Variants in ROBO1 observed in about 807,000 individuals in gnomAD.
The protein encoded by ROBO1 is roundabout homolog 1.
Under a neutral mutation model 195.9 loss-of-function variants are expected in ROBO1, and 149 were observed. The ratio of observed to expected loss-of-function variants is 0.76; its 90% CI spans 0.67 to 0.87. The LOEUF (loss-of-function observed/expected upper bound fraction) is 0.87. Among genes scored for constraint, ROBO1 ranks in the 40% least tolerant of loss-of-function variants. ROBO1 has a pLI of 0.00. For missense variants in ROBO1, 1,933 were observed against 2,068.3 expected (o/e 0.93, Z 1.27); for synonymous variants, 816 against 733.2 (o/e 1.11, Z -1.82).
Position 79,155,511 on chromosome 3 carries a change from T to C in ROBO1, c.89-29972A>G, listed in dbSNP as rs554282677. 1.3e-5 allele frequency among the ~76,000 whole-genome samples: 2 copies of C among 151,760 alleles called. 1 individual carries two copies. The highest frequency in any genetic ancestry group is 4.1e-4 in the South Asian group (2 of 4,828). ...ATATTTTTTTCATATATGGCAAAAG[T>C]ATACTTTTCTGGGCTGATAGTTTGT... On this transcript the variant is annotated intron_variant, in intron 2 of 30. Transcript: ENST00000464233.
At chr3:79,488,412 C>T (rs1939273707) in intron 2 of ROBO1, among the ~76,000 whole-genome samples, 1 of 151,934 alleles carries the variant, frequency 6.6e-6, no homozygotes, top group African/African-American at 2.4e-5. Flanking sequence ...TAACTTTGGA[C>T]CAAATTGTGC....
rs555710163 is a variant in ROBO1 at position 79,460,380 on chromosome 3, G to A, written c.88+129444C>T. On this transcript the variant is annotated intron_variant, in intron 2 of 30. Transcript: ENST00000464233. Reference sequence around the variant, plus strand: ...CTAACACACTTTCTCCAAACCGGAAGAAAAGCTTTTCATAAGTTGAATATA... The same window carrying A: ...CTAACACACTTTCTCCAAACCGGAAAAAAAGCTTTTCATAAGTTGAATATA... Among the ~76,000 whole-genome samples the A allele has an allele frequency of 3.9e-3, 594 of 152,254 alleles. 2 individuals carry two copies. Among genetic ancestry groups the A allele is most frequent in the African/African-American group, 0.014 (569 of 41,568 alleles).
intron 3 of ROBO1, among the ~76,000 whole-genome samples, chr3:78,966,621 T>A (rs72910220): frequency 0.16 from 24,265 of 152,232 alleles, 3,054 homozygotes; most frequent in African/African-American, 0.35. Context: ...AGGAAATAGG[T>A]ATTTGTACTG....
intron 2 of ROBO1, among the ~76,000 whole-genome samples, chr3:79,515,181 C>A (rs1334649470): frequency 6.6e-6 from 1 of 152,102 alleles, no homozygotes; most frequent in Non-Finnish European, 1.5e-5. Context: ...GAAAAATAGC[C>A]CAAACCAGTG....
Position 79,349,322 on chromosome 3 carries a change from A to G in ROBO1, c.89-223783T>C, listed in dbSNP as rs375504328. ...AAGAAATTAAAGACACTTTTAATAA[A>G]TAGGAAAATAACCATATTCACTGAT... On this transcript the variant is annotated intron_variant, in intron 2 of 30. Transcript: ENST00000464233. Among the ~76,000 whole-genome samples the G allele has an allele frequency of 7.2e-5, 11 of 152,316 alleles. No individual in the cohort carries two copies. In the East Asian group the frequency reaches 1.9e-3, roughly 27 times the overall value.
intron 4 of ROBO1, among the ~76,000 whole-genome samples, chr3:78,755,438 C>T (rs1338032396): frequency 6.6e-6 from 1 of 152,104 alleles, no homozygotes; most frequent in Admixed American, 6.6e-5. Flanking sequence ...TGCACTACTG[C>T]ATTCCAGCCT....
chr3:78,788,436 T>TC (rs34462968), intron 4 of ROBO1, among the ~76,000 whole-genome samples: 41 of 139,712 alleles, frequency 2.9e-4, no homozygotes, highest in Non-Finnish European at 5.5e-4. Context: ...CTTTTTTTTT[T>TC]TTTTAAAAAA....
intron 28 of ROBO1, among the ~76,000 whole-genome samples, chr3:78,609,890 T>C (rs1408368003): frequency 2.0e-5 from 3 of 152,336 alleles, no homozygotes; most frequent in Admixed American, 6.5e-5. Flanking sequence ...TCCATAAATA[T>C]ACAATTTTTT....
At chr3:79,186,014 T>C (rs1385640796) in intron 2 of ROBO1, among the ~76,000 whole-genome samples, 1 of 152,072 alleles carries the variant, frequency 6.6e-6, no homozygotes, top group East Asian at 1.9e-4. Context: ...AGTGTTTAAG[T>C]TCCCCAAGCC....
chr3:79,332,687 G>A (rs543734588), intron 2 of ROBO1, among the ~76,000 whole-genome samples: 1 of 152,306 alleles, frequency 6.6e-6, no homozygotes, highest in East Asian at 1.9e-4. Flanking sequence ...TACACTGTCA[G>A]TGTTTTGGAA....
At chr3:79,698,663 TAAG>T (rs1039780169) in intron 1 of ROBO1, among the ~76,000 whole-genome samples, 8 of 151,604 alleles carry the variant, frequency 5.3e-5, no homozygotes, top group African/African-American at 1.9e-4. Context: ...AAACTACCAT[TAAG>T]AAGTTACTTA....
rs1180394255 is a variant in ROBO1, at chr3:78,960,782, ACAC to A, written c.173-21858_173-21856del. On this transcript the variant is annotated intron_variant, in intron 3 of 30. Coordinates refer to ENST00000464233, the MANE Select transcript of ROBO1 (RefSeq NM_002941.4). ...ACGAAGCGAGACTCCGTATTAAAACACACACACACACACACACACACACACACA... is the reference window on the plus strand; with the variant it reads ...ACGAAGCGAGACTCCGTATTAAAACAACACACACACACACACACACACACA... 1.1e-3 allele frequency among the ~76,000 whole-genome samples: 5 copies of A among 4,550 alleles called. No homozygotes were observed. The East Asian group carries it at 0.12, about 114-fold the overall frequency. The allele number at this position is 4,550 out of a possible 152,430, so 3.0% of individuals were successfully genotyped here. A position where few individuals can be genotyped will look rare whatever the true frequency, so the allele number is the denominator to read the frequency against.
intron 4 of ROBO1, among the ~76,000 whole-genome samples, chr3:78,934,144 T>C (rs2039674192): frequency 6.6e-6 from 1 of 151,866 alleles, no homozygotes; most frequent in Non-Finnish European, 1.5e-5. Flanking sequence ...TGTCTAACCA[T>C]AATGGAAGTA....
At chr3:78,635,569 ATAT>A (rs1330025586) in intron 23 of ROBO1, among the ~76,000 whole-genome samples, 2 of 152,158 alleles carry the variant, frequency 1.3e-5, no homozygotes, top group African/African-American at 2.4e-5. Context: ...AAATACTTAT[ATAT>A]TATTATAAAA....
At chr3:78,891,541 T>C (rs1426551550) in intron 4 of ROBO1, among the ~76,000 whole-genome samples, 1 of 152,174 alleles carries the variant, frequency 6.6e-6, no homozygotes, top group Non-Finnish European at 1.5e-5. Context: ...TGGCTGGTCT[T>C]TTATAAAGCT....
chr3:79,606,421 T>C (rs1405578959), intron 1 of ROBO1, among the ~76,000 whole-genome samples: 4 of 151,966 alleles, frequency 2.6e-5, no homozygotes, highest in African/African-American at 9.7e-5. Flanking sequence ...TCCAGCCAAA[T>C]TGTCTTTGCT....
chr3:79,562,618 T>C (rs1053987663), intron 2 of ROBO1, among the ~76,000 whole-genome samples: 2 of 152,056 alleles, frequency 1.3e-5, no homozygotes, highest in Non-Finnish European at 2.9e-5. Flanking sequence ...GATGAATATA[T>C]TCAATTCATA....
At chr3:79,761,987 G>T (rs9858424) in intron 1 of ROBO1, among the ~76,000 whole-genome samples, 65 of 152,062 alleles carry the variant, frequency 4.3e-4, no homozygotes, top group Non-Finnish European at 6.6e-4. Context: ...GGTGTTTTAA[G>T]GGCTACTTTT....
intron 2 of ROBO1, among the ~76,000 whole-genome samples, chr3:79,493,156 T>TA (rs1393021089): frequency 2.0e-5 from 3 of 152,054 alleles, no homozygotes; most frequent in Non-Finnish European, 4.4e-5. Context: ...TATAACATAT[T>TA]AAAAAGGTAA....
Sources: allele counts gnomAD v4.1 joint callset (sites outside exome capture counted in the v4.1 genomes callset), GRCh38; gene constraint gnomAD v4.1.1; transcripts MANE v1.5; gene names NCBI Gene and HGNC (gene_info 2026-07-23, HGNC 2026-07-21).